Variants in NT5DC1 observed in about 807,000 individuals in gnomAD.
NT5DC1 encodes 5'-nucleotidase domain containing 1.
Under a neutral mutation model 59.4 loss-of-function variants are expected in NT5DC1, and 42 were observed. That is an observed-to-expected ratio of 0.71 (90% CI 0.55 to 0.92). The LOEUF (loss-of-function observed/expected upper bound fraction) is 0.92. Ranked by LOEUF, NT5DC1 falls within the 40% of genes least tolerant of loss-of-function variation. The probability of loss-of-function intolerance (pLI) is 0.00; values close to 1 mark genes in which losing one functional copy is unlikely to be tolerated. For missense variants in NT5DC1, 501 were observed against 537.1 expected, an observed-to-expected ratio of 0.93 and a Z score of 0.66; for synonymous variants, 172 against 188.1, an observed-to-expected ratio of 0.91 and a Z score of 0.70.
intron 8 of NT5DC1, among the ~76,000 whole-genome samples, chr6:116,236,481 AC>A (rs1009042439): frequency 6.6e-6 from 1 of 152,116 alleles, no homozygotes; most frequent in African/African-American, 2.4e-5. Flanking sequence ...TTCCCCACCC[AC>A]CCCAAGCTGG....
chr6:116,129,676 C>G (rs1405035529), intron 6 of NT5DC1, among the ~76,000 whole-genome samples: 1 of 152,192 alleles, frequency 6.6e-6, no homozygotes, highest in African/African-American at 2.4e-5. Context: ...GAATAAAGCT[C>G]TGTTCATCAT....
intron 1 of NT5DC1, 54 bp downstream of exon 1, chr6:116,101,077 G>C: frequency 7.4e-7 from 1 of 1,342,494 alleles, no homozygotes; most frequent in East Asian, 2.6e-5. Flanking sequence ...GGCGGCTGGG[G>C]CTTGAGTTTC....
chr6:116,159,056 A>T, intron 6 of NT5DC1, among the ~76,000 whole-genome samples: 1 of 152,228 alleles, frequency 6.6e-6, no homozygotes, highest in East Asian at 1.9e-4. Flanking sequence ...AATGATATGT[A>T]CATTTTATTA....
intron 6 of NT5DC1, among the ~76,000 whole-genome samples, chr6:116,172,143 G>A (rs1034908219): frequency 6.6e-5 from 10 of 152,020 alleles, no homozygotes; most frequent in Non-Finnish European, 1.5e-4. Flanking sequence ...TTGTAAATTT[G>A]TAAACCCTTT....
At chr6:116,168,434 A>G (rs1437093215) in intron 6 of NT5DC1, among the ~76,000 whole-genome samples, 2 of 151,924 alleles carry the variant, frequency 1.3e-5, no homozygotes, top group African/African-American at 4.8e-5. Context: ...CTAGAATTCC[A>G]TTTAGTTCTT....
chr6:116,207,031 T>C (rs1582873415), intron 6 of NT5DC1, among the ~76,000 whole-genome samples: 2 of 152,016 alleles, frequency 1.3e-5, no homozygotes, highest in Admixed American at 6.6e-5. Flanking sequence ...TGATCACTTA[T>C]GTCATATGCT....
intron 6 of NT5DC1, among the ~76,000 whole-genome samples, chr6:116,181,565 A>G (rs1456126063): frequency 6.6e-6 from 1 of 152,142 alleles, no homozygotes; most frequent in Non-Finnish European, 1.5e-5. Flanking sequence ...ATTCTCTTTG[A>G]CACTGAGAAT....
At chr6:116,170,056 C>T (rs746546819) in intron 6 of NT5DC1, among the ~76,000 whole-genome samples, 9 of 152,078 alleles carry the variant, frequency 5.9e-5, no homozygotes, top group South Asian at 2.1e-4. Context: ...GAGCCATAAG[C>T]GACATTGTCC....
At chr6:116,116,354 A>G (rs1005418401) in intron 5 of NT5DC1, among the ~76,000 whole-genome samples, 3 of 152,202 alleles carry the variant, frequency 2.0e-5, no homozygotes, top group Admixed American at 2.0e-4. Context: ...AAAAATAACT[A>G]CTTTTGGGGC....
intron 6 of NT5DC1, among the ~76,000 whole-genome samples, chr6:116,162,253 T>C (rs901234813): frequency 6.6e-6 from 1 of 152,202 alleles, no homozygotes; most frequent in Non-Finnish European, 1.5e-5. Context: ...CTTTTCCGAT[T>C]TGGATGCCTT....
intron 6 of NT5DC1, among the ~76,000 whole-genome samples, chr6:116,174,150 A>G (rs1360107996): frequency 1.3e-5 from 2 of 152,126 alleles, no homozygotes; most frequent in Admixed American, 1.3e-4. Flanking sequence ...ATCACTGCTA[A>G]TATTAACCTT....
intron 6 of NT5DC1, among the ~76,000 whole-genome samples, chr6:116,140,990 T>C (rs1779751011): frequency 1.3e-5 from 2 of 152,298 alleles, no homozygotes; most frequent in African/African-American, 4.8e-5. Context: ...AGTGGTATAT[T>C]AACTATGTAT....
chr6:116,105,849 A>G (rs535744866), intron 1 of NT5DC1, among the ~76,000 whole-genome samples: 24 of 152,238 alleles, frequency 1.6e-4, no homozygotes, highest in East Asian at 1.5e-3. Context: ...TTTCCCTGAC[A>G]TGGGGCCTTT....
chr6:116,116,636 C>A (rs1004239927), intron 5 of NT5DC1, among the ~76,000 whole-genome samples: 2 of 151,932 alleles, frequency 1.3e-5, no homozygotes, highest in Non-Finnish European at 2.9e-5. Context: ...AGCAAGACTG[C>A]GTCTCAAAAT....
At chr6:116,198,482 C>T (rs905978774) in intron 6 of NT5DC1, among the ~76,000 whole-genome samples, 1 of 151,972 alleles carries the variant, frequency 6.6e-6, no homozygotes, top group Non-Finnish European at 1.5e-5. Context: ...ATAATACCAG[C>T]AGTTTGGGAG....
intron 6 of NT5DC1, among the ~76,000 whole-genome samples, chr6:116,178,358 CTT>C (rs1292428583): frequency 6.6e-6 from 1 of 152,126 alleles, no homozygotes; most frequent in Non-Finnish European, 1.5e-5. Context: ...TTTCTGAACT[CTT>C]TAACTTGAAG....
At chr6:116,209,568 G>T (rs1781530640) in intron 6 of NT5DC1, among the ~76,000 whole-genome samples, 1 of 151,970 alleles carries the variant, frequency 6.6e-6, no homozygotes, top group South Asian at 2.1e-4. Context: ...TGGGTATTGG[G>T]GAGGGCTCCT....
chr6:116,163,371 A>G, intron 6 of NT5DC1, among the ~76,000 whole-genome samples: 1 of 151,660 alleles, frequency 6.6e-6, no homozygotes, highest in Non-Finnish European at 1.5e-5. Context: ...GTTTCTGGAA[A>G]TTTATTTGTT....
At chr6:116,163,722 G>C (rs991457303) in intron 6 of NT5DC1, among the ~76,000 whole-genome samples, 1 of 152,002 alleles carries the variant, frequency 6.6e-6, no homozygotes, top group South Asian at 2.1e-4. Context: ...GCGAATTTGA[G>C]ATCTATCTTT....
Sources: allele counts gnomAD v4.1 joint callset (sites outside exome capture counted in the v4.1 genomes callset), GRCh38; gene constraint gnomAD v4.1.1; transcripts MANE v1.5; gene names NCBI Gene and HGNC (gene_info 2026-07-23, HGNC 2026-07-21).